The following PWWP2A variants were observed in gnomAD, a reference collection of about 807,000 sequenced individuals.
The protein encoded by PWWP2A is PWWP domain containing 2A.
A neutral mutation model predicts 48.5 loss-of-function variants in PWWP2A; 18 were observed. The observed-to-expected ratio is 0.37, with a 90% CI of 0.26 to 0.55. The LOEUF (loss-of-function observed/expected upper bound fraction) is 0.55. PWWP2A is among the 20% of genes least tolerant of loss of function. PWWP2A has a pLI of 0.81. For missense variants in PWWP2A, 867 were observed against 976.4 expected, an observed-to-expected ratio of 0.89 and a Z score of 1.49; for synonymous variants, 396 against 387.7, an observed-to-expected ratio of 1.02 and a Z score of -0.25.
At chr5:160,052,787 A>T in the PWWP2A span, among the ~76,000 whole-genome samples, 1 of 152,080 alleles carries the variant, frequency 6.6e-6, no homozygotes, top group African/African-American at 2.4e-5. Context: ...ATGCACCAGA[A>T]TTTTCTGTCT....
chr5:160,102,431 G>A (rs905989443), intron 1 of PWWP2A, among the ~76,000 whole-genome samples: 2 of 148,932 alleles, frequency 1.3e-5, no homozygotes, highest in Non-Finnish European at 3.0e-5. Flanking sequence ...ATGCAGCCAG[G>A]CATGGTGGCT....
At chr5:160,116,239 TAG>T (rs1411750514) in intron 1 of PWWP2A, among the ~76,000 whole-genome samples, 1 of 152,076 alleles carries the variant, frequency 6.6e-6, no homozygotes, top group African/African-American at 2.4e-5. Flanking sequence ...ATTTTTTTCG[TAG>T]AGACAGGGTT....
At chr5:160,096,230 T>A (rs919743467) in intron 1 of PWWP2A, among the ~76,000 whole-genome samples, 3 of 152,156 alleles carry the variant, frequency 2.0e-5, no homozygotes, top group African/African-American at 7.2e-5. Context: ...GGCTTTTTTT[T>A]TACCTACGGT....
intron 1 of PWWP2A, chr5:160,113,465 AT>A: frequency 5.7e-6 from 2 of 352,926 alleles, no homozygotes; most frequent in African/African-American, 2.2e-5. Context: ...AGCTCTTCCA[AT>A]TTTACAAAGA....
At chr5:160,047,892 T>C in the PWWP2A span, among the ~76,000 whole-genome samples, 4 of 152,182 alleles carry the variant, frequency 2.6e-5, no homozygotes, top group Non-Finnish European at 5.9e-5. Flanking sequence ...TGTTTTATTT[T>C]TCATTATAGT....
chr5:160,062,851 C>A (rs918751815), intron 5 of PWWP2A, among the ~76,000 whole-genome samples: 8 of 151,976 alleles, frequency 5.3e-5, no homozygotes, highest in Admixed American at 1.3e-4. Context: ...AACCCCAGAA[C>A]AAACTGCCAG....
chr5:160,089,578 C>T (rs1231276482), downstream of PWWP2A: 3 of 1,288,370 alleles, frequency 2.3e-6, no homozygotes, highest in Admixed American at 2.3e-5. Flanking sequence ...ATGTTCCTTC[C>T]AAATGATTAG....
intron 1 of PWWP2A, among the ~76,000 whole-genome samples, chr5:160,095,282 G>T (rs184056147): frequency 3.1e-4 from 47 of 152,094 alleles, no homozygotes; most frequent in Non-Finnish European, 5.3e-4. Context: ...GCAAACCATG[G>T]TATCTAATAC....
At chr5:160,084,523 G>A (rs1754474447) in intron 2 of PWWP2A, among the ~76,000 whole-genome samples, 1 of 152,064 alleles carries the variant, frequency 6.6e-6, no homozygotes, top group Non-Finnish European at 1.5e-5. Context: ...CAGCCTCCCA[G>A]GCTAAAGTGG....
chr5:160,105,352 T>C (rs1414986501), intron 1 of PWWP2A, among the ~76,000 whole-genome samples: 1 of 145,182 alleles, frequency 6.9e-6, no homozygotes, highest in African/African-American at 2.5e-5. Context: ...ATGGAGACCA[T>C]CCTGTGAAAC....
chr5:160,088,048 T>C (rs1754778915), downstream of PWWP2A, among the ~76,000 whole-genome samples: 1 of 152,232 alleles, frequency 6.6e-6, no homozygotes, highest in Non-Finnish European at 1.5e-5. Flanking sequence ...TTAATCCTGT[T>C]CTTTTGTTGA....
intron 2 of PWWP2A, among the ~76,000 whole-genome samples, chr5:160,084,100 A>G (rs1027137436): frequency 6.6e-6 from 1 of 152,256 alleles, no homozygotes; most frequent in Admixed American, 6.5e-5. Flanking sequence ...ACCAGAATTT[A>G]CCGTGCAACA....
downstream of PWWP2A, among the ~76,000 whole-genome samples, chr5:160,073,281 T>C (rs998758897): frequency 1.1e-4 from 16 of 150,064 alleles, no homozygotes; most frequent in Non-Finnish European, 2.4e-4. Flanking sequence ...CAGGCTGGAG[T>C]ACAGTGGCGC....
At chr5:160,109,108 T>A (rs2546987) in intron 1 of PWWP2A, among the ~76,000 whole-genome samples, 2 of 152,020 alleles carry the variant, frequency 1.3e-5, no homozygotes, top group Admixed American at 1.3e-4. Flanking sequence ...CTCAGCCTCC[T>A]GAACAGTTGG....
At chr5:160,109,040 G>A (rs1187779877) in intron 1 of PWWP2A, among the ~76,000 whole-genome samples, 2 of 152,118 alleles carry the variant, frequency 1.3e-5, no homozygotes, top group African/African-American at 4.8e-5. Flanking sequence ...CTGGAGTGCA[G>A]TGGCACAATC....
rs1227118906 is a variant in PWWP2A, at chr5:160,093,247, C to T, written c.1403G>A (p.Gly468Asp). Residue 468 changes from glycine to aspartate, a missense_variant, in exon 2 of 2, where the codon GGT (glycine) becomes GAT (aspartate). By Grantham distance (94) the Gly-to-Asp change is moderately conservative. Around this residue, in one of 4 missense-constraint regions of PWWP2A, gnomAD observed 382 missense variants for 407.2 expected, o/e 0.94. Transcript: ENST00000307063. The surrounding 1 kb of genome is among the most constrained non-coding windows in gnomAD (Gnocchi z 5.8). Reference sequence around the variant, plus strand: ...TAAACGAACCCGGGGTGGAAGGGAACCTGAGCTAGGATTCTGATATCGACG... The same window carrying T: ...TAAACGAACCCGGGGTGGAAGGGAATCTGAGCTAGGATTCTGATATCGACG... ...FTRRYQNPSS[G>D]SLPPRVRLKP... is the part of the protein sequence containing the mutation. The T allele has an allele frequency of 1.2e-6, 2 of 1,614,010 alleles. No homozygotes were observed. Among genetic ancestry groups the T allele is most frequent in the East Asian group, 2.2e-5 (1 of 44,884 alleles).
the PWWP2A span, among the ~76,000 whole-genome samples, chr5:160,045,520 A>ACTCTCT: frequency 9.1e-4 from 50 of 54,900 alleles, no homozygotes; most frequent in South Asian, 1.6e-3. Flanking sequence ...ACACATACAC[A>ACTCTCT]CTCTCTCTCT....
At chr5:160,101,301 G>GATCAC in intron 1 of PWWP2A, among the ~76,000 whole-genome samples, 1 of 152,270 alleles carries the variant, frequency 6.6e-6, no homozygotes, top group East Asian at 1.9e-4. Context: ...AGTGAGAAGA[G>GATCAC]ATCACGCCAC....
downstream of PWWP2A, among the ~76,000 whole-genome samples, chr5:160,072,752 A>G (rs1753768733): frequency 6.6e-6 from 1 of 151,462 alleles, no homozygotes; most frequent in Non-Finnish European, 1.5e-5. Context: ...TAAATAATAA[A>G]ACAAAAATTA....
Sources: allele counts gnomAD v4.1 joint callset (sites outside exome capture counted in the v4.1 genomes callset), GRCh38; gene constraint gnomAD v4.1.1; regional missense constraint gnomAD v4.1.1; non-coding constraint Gnocchi (gnomAD v3.1); transcripts MANE v1.5; gene names NCBI Gene and HGNC (gene_info 2026-07-23, HGNC 2026-07-21).